The following KIRREL3 variants were observed in gnomAD, a reference collection of about 807,000 sequenced individuals.
The protein encoded by KIRREL3 is kin of IRRE-like protein 3.
Under a neutral mutation model 89.7 loss-of-function variants are expected in KIRREL3, and 36 were observed. That is an observed-to-expected ratio of 0.40 (90% CI 0.31 to 0.53). KIRREL3 has a LOEUF of 0.53. Ranked by LOEUF, KIRREL3 falls within the 20% of genes least tolerant of loss-of-function variation. KIRREL3 has a pLI of 0.49. For synonymous variants in KIRREL3, 445 were observed against 441.4 expected, an observed-to-expected ratio of 1.01 and a Z score of -0.10; for missense variants, 864 against 1,056.6, an observed-to-expected ratio of 0.82 and a Z score of 2.53.
chr11:126,615,830 C>T lies in KIRREL3; in HGVS notation c.56-52918G>A, dbSNP rs1301325425. ...GCTCTCTCAGCAGTTATGGTCTTTTCCAGGTAATAAGTATTGCGGCCTCCT... is the reference window on the plus strand; with the variant it reads ...GCTCTCTCAGCAGTTATGGTCTTTTTCAGGTAATAAGTATTGCGGCCTCCT... On this transcript the variant is annotated intron_variant, in intron 1 of 16. Coordinates refer to ENST00000525144, the MANE Select transcript of KIRREL3 (RefSeq NM_032531.4). This position sits in a 1 kb window ranked among gnomAD's most constrained non-coding sequence, Gnocchi z 5.4. Among the ~76,000 whole-genome samples the T allele has an allele frequency of 6.6e-6, 1 of 152,150 alleles. No individual in the cohort carries two copies. The highest frequency in any genetic ancestry group is 2.4e-5 in the African/African-American group (1 of 41,428).
intron 4 of KIRREL3, among the ~76,000 whole-genome samples, chr11:126,493,837 C>T (rs1957591147): frequency 6.6e-6 from 1 of 152,014 alleles, no homozygotes; most frequent in Non-Finnish European, 1.5e-5. Flanking sequence ...TTCATTCCTA[C>T]TTCTCCCTTC....
At position 126,742,118 on chromosome 11, in the gene KIRREL3, C is replaced by T. The variant is rs1949006797; in HGVS notation, c.56-179206G>A. 6.6e-6 allele frequency among the ~76,000 whole-genome samples: 1 copy of T among 152,172 alleles called. No homozygotes were observed. The highest frequency in any genetic ancestry group is 2.1e-4 in the South Asian group (1 of 4,824). ...ACTTCCCATTTCCCAGTTTCAGCTT[C>T]CAGAATGCAACCTTAATCTTGTTCA... is the stretch of plus-strand genomic sequence containing the variant. On this transcript the variant is annotated intron_variant, in intron 1 of 16. Coordinates refer to ENST00000525144, the MANE Select transcript of KIRREL3 (RefSeq NM_032531.4). The surrounding 1 kb of genome is among the most constrained non-coding windows in gnomAD (Gnocchi z 5.3).
chr11:126,762,239 T>C (rs1376934935), intron 1 of KIRREL3, among the ~76,000 whole-genome samples: 1 of 152,170 alleles, frequency 6.6e-6, no homozygotes, highest in East Asian at 1.9e-4. Context: ...GTTGTTCACC[T>C]TGGCTTACTC....
intron 1 of KIRREL3, among the ~76,000 whole-genome samples, chr11:126,873,422 G>T (rs1170593640): frequency 2.6e-5 from 4 of 152,126 alleles, no homozygotes; most frequent in African/African-American, 9.7e-5. Context: ...AACAGATTGG[G>T]GAGCGATGCC....
In KIRREL3 at chr11:126,643,339, G is replaced by C. The variant is rs1944544957; in HGVS notation, c.56-80427C>G. On this transcript the variant is annotated intron_variant, in intron 1 of 16. Transcript: ENST00000525144. This position sits in a 1 kb window ranked among gnomAD's most constrained non-coding sequence, Gnocchi z 4.5. ...AAAGAAAATGTTAGGGAAACACAGA[G>C]GGGAGCTCATCAATAGTTGAAGAGA... 6.6e-6 allele frequency among the ~76,000 whole-genome samples: 1 copy of C among 152,170 alleles called. No individual in the cohort carries two copies. The highest frequency in any genetic ancestry group is 2.4e-5 in the African/African-American group (1 of 41,436).
chr11:126,985,145 T>C lies in KIRREL3; in HGVS notation c.55+15310A>G, dbSNP rs1949826331. ...TCGGTGCTCATAGGTACTCGAGTTG[T>C]ACAAGGCAATAATAATGATAAATAG... On this transcript the variant is annotated intron_variant, in intron 1 of 16. Coordinates refer to ENST00000525144, the MANE Select transcript of KIRREL3 (RefSeq NM_032531.4). The surrounding 1 kb of genome is among the most constrained non-coding windows in gnomAD (Gnocchi z 5.3). 6.6e-6 allele frequency among the ~76,000 whole-genome samples: 1 copy of C among 152,156 alleles called. No homozygotes were observed. Among genetic ancestry groups the C allele is most frequent in the African/African-American group, 2.4e-5 (1 of 41,436 alleles).
At chr11:127,000,832 A>AGCTAGTGAC, upstream of KIRREL3, 1 of 458,996 alleles carries the variant, frequency 2.2e-6, no homozygotes, top group East Asian at 3.4e-5. The surrounding 1 kb of genome is among the most constrained non-coding windows in gnomAD (Gnocchi z 7.1). Flanking sequence ...TGAGCGAGCG[A>AGCTAGTGAC]GCTAGTGACG....
intron 1 of KIRREL3, among the ~76,000 whole-genome samples, chr11:126,838,156 T>C (rs1943842571): frequency 6.6e-6 from 1 of 152,244 alleles, no homozygotes; most frequent in African/African-American, 2.4e-5. Flanking sequence ...GTTAATATAA[T>C]AGAGGTTTCT....
In KIRREL3 at chr11:126,912,672, C is replaced by A. The variant is rs1946871551; in HGVS notation, c.55+87783G>T. 2.0e-5 allele frequency among the ~76,000 whole-genome samples: 3 copies of A among 152,232 alleles called. No homozygotes were observed. The highest frequency in any genetic ancestry group is 2.0e-4 in the Admixed American group (3 of 15,290). ...CTGGGTAGCAATGGGGCTCCTGCCC[C>A]TGCTGTTCATCATGTTTCTGGGGTC... is the stretch of plus-strand genomic sequence containing the variant. On this transcript the variant is annotated intron_variant, in intron 1 of 16. Transcript: ENST00000525144. This position sits in a 1 kb window ranked among gnomAD's most constrained non-coding sequence, Gnocchi z 4.7.
intron 1 of KIRREL3, among the ~76,000 whole-genome samples, chr11:126,854,212 C>CT (rs1944437903): frequency 6.9e-6 from 1 of 145,798 alleles, no homozygotes; most frequent in Admixed American, 6.9e-5. Context: ...GTTGATACTT[C>CT]TTTTTAAAAA....
Position 126,475,472 on chromosome 11 carries a change from A to G in KIRREL3, c.434-2006T>C, listed in dbSNP as rs761987819. Among the ~76,000 whole-genome samples, 43 of 152,296 alleles carry G rather than the reference A, an allele frequency of 2.8e-4. No individual in the cohort carries two copies. Among genetic ancestry groups the G allele is most frequent in the Non-Finnish European group, 5.3e-4 (36 of 68,022 alleles). ...CCCGGCCTTGGAGGCCTGCTCCCAC[A>G]CTAACAGCACAGCAGTGCCATTTCC... On this transcript the variant is annotated intron_variant, in intron 4 of 16. Transcript: ENST00000525144. This position sits in a 1 kb window ranked among gnomAD's most constrained non-coding sequence, Gnocchi z 7.5.
chr11:126,635,819 G>A lies in KIRREL3; in HGVS notation c.56-72907C>T, dbSNP rs913927625. On this transcript the variant is annotated intron_variant, in intron 1 of 16. Transcript: ENST00000525144. This position sits in a 1 kb window ranked among gnomAD's most constrained non-coding sequence, Gnocchi z 4.0. The stretch of plus-strand genomic sequence containing the variant: ...GTATAAAAATACCAGGTAAAAGGCA[G>A]AGTGTGTCCCATGAATGAGACACCC... Among the ~76,000 whole-genome samples the A allele has an allele frequency of 1.3e-5, 2 of 152,240 alleles. No individual in the cohort carries two copies. Among genetic ancestry groups the A allele is most frequent in the East Asian group, 1.9e-4 (1 of 5,200 alleles).
At chr11:126,846,630 C>A (rs1032933454) in intron 1 of KIRREL3, among the ~76,000 whole-genome samples, 1 of 150,150 alleles carries the variant, frequency 6.7e-6, no homozygotes, top group African/African-American at 2.5e-5. Flanking sequence ...TAAGAGTTAA[C>A]ATTGTGACAC....
intron 5 of KIRREL3, among the ~76,000 whole-genome samples, chr11:126,469,132 C>T (rs1431913234): frequency 6.6e-6 from 1 of 152,192 alleles, no homozygotes; most frequent in African/African-American, 2.4e-5. Flanking sequence ...ATGGCAAGGA[C>T]AGGGAGGCAC....
chr11:126,827,090 T>G (rs1025226919), intron 1 of KIRREL3, among the ~76,000 whole-genome samples: 2 of 152,138 alleles, frequency 1.3e-5, no homozygotes, highest in African/African-American at 4.8e-5. Context: ...TGCTTGGTAT[T>G]TGGATAAGCT....
chr11:126,595,701 C>T (rs144649827), intron 1 of KIRREL3, among the ~76,000 whole-genome samples: 3 of 152,274 alleles, frequency 2.0e-5, no homozygotes, highest in African/African-American at 7.2e-5. Context: ...CCCAGGGAGA[C>T]CCAGTGGCCA....
At position 127,000,371 on chromosome 11, in the gene KIRREL3, C is replaced by A. The variant is rs1950287602; in HGVS notation, c.55+84G>T. On this transcript the variant is annotated intron_variant, in intron 1 of 16. Coordinates refer to ENST00000525144, the MANE Select transcript of KIRREL3 (RefSeq NM_032531.4). This position sits in a 1 kb window ranked among gnomAD's most constrained non-coding sequence, Gnocchi z 7.1. ...CATCCATCAGTCCGAGTTCCCGAAG[C>A]CTGCCCACGTTCCTGCCCACAGCCT... is the stretch of plus-strand genomic sequence containing the variant. 4 of 1,188,356 alleles carry A rather than the reference C, an allele frequency of 3.4e-6. No homozygotes were observed. Among genetic ancestry groups the A allele is most frequent in the Non-Finnish European group, 4.8e-6 (4 of 834,524 alleles). 73.6% of individuals were successfully genotyped at this position (1,188,356 alleles called of 1,614,324 possible).
Position 126,802,644 on chromosome 11 carries a change from G to T in KIRREL3, c.55+197811C>A, listed in dbSNP as rs11220617. Among the ~76,000 whole-genome samples, 3 of 151,978 alleles carry T rather than the reference G, an allele frequency of 2.0e-5. No individual in the cohort carries two copies. Among genetic ancestry groups the T allele is most frequent in the African/African-American group, 7.2e-5 (3 of 41,406 alleles). On this transcript the variant is annotated intron_variant, in intron 1 of 16. Transcript: ENST00000525144. The surrounding 1 kb of genome is among the most constrained non-coding windows in gnomAD (Gnocchi z 5.2). Reference sequence around the variant, plus strand: ...GGTGTCCTGTCGGGGGCTGGCTCCCGCCTGGCACCCTGAGCTGCTGGGACA... The same window carrying T: ...GGTGTCCTGTCGGGGGCTGGCTCCCTCCTGGCACCCTGAGCTGCTGGGACA...
At chr11:126,487,696 G>C (rs561402984) in intron 4 of KIRREL3, among the ~76,000 whole-genome samples, 1 of 152,158 alleles carries the variant, frequency 6.6e-6, no homozygotes, top group African/African-American at 2.4e-5. Flanking sequence ...CTACAGTCTG[G>C]CCTTATAGTT....
Sources: allele counts gnomAD v4.1 joint callset (sites outside exome capture counted in the v4.1 genomes callset), GRCh38; gene constraint gnomAD v4.1.1; non-coding constraint Gnocchi (gnomAD v3.1); transcripts MANE v1.5; gene names NCBI Gene and HGNC (gene_info 2026-07-23, HGNC 2026-07-21).